Variants in AKAP13 observed in about 807,000 individuals in gnomAD.
AKAP13 encodes the protein A-kinase anchor protein 13.
Under a neutral mutation model 264.5 loss-of-function variants are expected in AKAP13, and 80 were observed. The observed-to-expected ratio is 0.30, with a 90% confidence interval of 0.25 to 0.36. The LOEUF is 0.36. Ranked by LOEUF, AKAP13 falls within the 10% of genes least tolerant of loss-of-function variation. The pLI is 1.00. For missense variants in AKAP13, 3,712 were observed against 3,435.2 expected (o/e 1.08, Z -2.01); for synonymous variants, 1,380 against 1,250.2 (o/e 1.10, Z -2.19).
At chr15:85,661,721 T>TG (rs200899633) in intron 12 of AKAP13, among the ~76,000 whole-genome samples, 1 of 151,998 alleles carries the variant, frequency 6.6e-6, no homozygotes, top group Admixed American at 6.6e-5. Flanking sequence ...AACTCCGTCT[T>TG]GGGGGGTAGT....
chr15:85,662,562 C>T (rs956014066), intron 12 of AKAP13: 14 of 1,204,314 alleles, frequency 1.2e-5, no homozygotes, highest in Middle Eastern at 2.2e-4. Flanking sequence ...TATGGGCAGC[C>T]TGCTTTGTCT....
chr15:85,687,196 G>C (rs1419960159), intron 16 of AKAP13, among the ~76,000 whole-genome samples: 1 of 150,890 alleles, frequency 6.6e-6, no homozygotes, highest in African/African-American at 2.4e-5. Context: ...GAGGCACAGA[G>C]ATGTATGCTT....
At chr15:85,555,825 T>C (rs572202178) in intron 5 of AKAP13, among the ~76,000 whole-genome samples, 109 of 98,844 alleles carry the variant, frequency 1.1e-3, no homozygotes, top group African/African-American at 3.1e-3. Context: ...TTGTATCATA[T>C]ACATAAACTG....
intron 2 of AKAP13, 22 bp downstream of exon 2, chr15:85,485,775 T>A: frequency 6.2e-7 from 1 of 1,610,504 alleles, no homozygotes; most frequent in South Asian, 1.1e-5. Flanking sequence ...ATGAGATTTC[T>A]TATTATTTTG....
chr15:85,747,782 G>C lies in AKAP13; in HGVS notation c.*3105G>C, dbSNP rs1808338. 11,934 of 152,790 alleles carry C rather than the reference G, an allele frequency of 0.078. 757 individuals are homozygous for C. Among genetic ancestry groups the C allele is most frequent in the East Asian group, 0.35 (1,832 of 5,166 alleles). The allele number at this position is 152,790 out of a possible 1,614,324, so 9.5% of individuals were successfully genotyped here. ...CCCCGTGAGAGCTATCTGGGGGGAA[G>C]AATCCTTACCAAGGTTTTTTTGGAA... On this transcript the variant is annotated 3_prime_UTR_variant, in exon 37 of 37. Coordinates refer to ENST00000394518, the MANE Select transcript of AKAP13 (RefSeq NM_007200.5).
At position 85,655,628 on chromosome 15, in the gene AKAP13, A is replaced by G. The variant is rs767650888; in HGVS notation, c.4586A>G (p.Asp1529Gly). The G allele has an allele frequency of 8.7e-6, 14 of 1,614,064 alleles. No individual in the cohort carries two copies. The highest frequency in any genetic ancestry group is 3.3e-4 in the Middle Eastern group (2 of 6,084). The change falls in exon 11 of 37, where the codon GAC (aspartate) becomes GGC (glycine). Residue 1529 changes from aspartate (D) to glycine (G), a missense_variant. Physicochemically the swap from Asp to Gly is moderately conservative, Grantham distance 94. Around this residue, in one of 3 missense-constraint regions of AKAP13, gnomAD observed 2,759 missense variants for 2,411.7 expected, o/e 1.14. Transcript: ENST00000394518. ...CGAGAAAGTGAGAGTGAGCCTGCTGACCCAGGCGACGTGGAGGAGGAGGAG... is the reference window on the plus strand; with the variant it reads ...CGAGAAAGTGAGAGTGAGCCTGCTGGCCCAGGCGACGTGGAGGAGGAGGAG... ...EGRESESEPA[D>G]PGDVEEEEMD... is the part of the protein sequence containing the mutation.
At chr15:85,598,663 T>G (rs2079924989) in intron 8 of AKAP13, among the ~76,000 whole-genome samples, 1 of 152,042 alleles carries the variant, frequency 6.6e-6, no homozygotes, top group Non-Finnish European at 1.5e-5. Context: ...GTGGGTAAAA[T>G]AAGACAGATT....
At chr15:85,564,335 T>C (rs2078528973) in intron 5 of AKAP13, among the ~76,000 whole-genome samples, 1 of 152,240 alleles carries the variant, frequency 6.6e-6, no homozygotes, top group Admixed American at 6.5e-5. Flanking sequence ...TTACATTTGC[T>C]TTATCTGTGT....
chr15:85,384,825 C>G (rs1383494370), intron 1 of AKAP13, among the ~76,000 whole-genome samples: 2 of 151,978 alleles, frequency 1.3e-5, no homozygotes. Flanking sequence ...CGTCCACCTA[C>G]AAGTTGATTG....
At chr15:85,556,679 G>A (rs1292934488) in intron 5 of AKAP13, among the ~76,000 whole-genome samples, 4 of 152,142 alleles carry the variant, frequency 2.6e-5, no homozygotes, top group Non-Finnish European at 4.4e-5. Context: ...TGTCTGCACA[G>A]CTACACTGGC....
chr15:85,737,140 G>C (rs1030865888), intron 33 of AKAP13, among the ~76,000 whole-genome samples: 1 of 151,976 alleles, frequency 6.6e-6, no homozygotes, highest in Non-Finnish European at 1.5e-5. Flanking sequence ...GGCTGATCTT[G>C]AACTCCTGAC....
chr15:85,503,745 A>G (rs565566812), intron 2 of AKAP13, among the ~76,000 whole-genome samples: 1 of 152,332 alleles, frequency 6.6e-6, no homozygotes, highest in South Asian at 2.1e-4. Context: ...AAAGAAAGGC[A>G]TTGTATTTCA....
chr15:85,567,597 A>G lies in AKAP13; in HGVS notation c.663-7534A>G, dbSNP rs146170434. Among the ~76,000 whole-genome samples the G allele has an allele frequency of 4.8e-3, 729 of 152,256 alleles. 4 individuals carry two copies. The highest frequency in any genetic ancestry group is 0.016 in the African/African-American group (669 of 41,528). ...ACACTAAGCTAAATACTCATTTTCT[A>G]TGTTGAGAAGTCAGTTTGTAACCTC... On this transcript the variant is annotated intron_variant, in intron 5 of 36. Coordinates refer to ENST00000394518, the MANE Select transcript of AKAP13 (RefSeq NM_007200.5).
intron 2 of AKAP13, among the ~76,000 whole-genome samples, chr15:85,489,293 G>T (rs1297363523): frequency 6.6e-6 from 1 of 152,180 alleles, no homozygotes; most frequent in Non-Finnish European, 1.5e-5. Flanking sequence ...TAAGTGCTTT[G>T]TATATGTTTG....
chr15:85,579,345 G>A lies in AKAP13; in HGVS notation c.1277G>A (p.Gly426Glu). 6.2e-7 allele frequency: 1 copy of A among 1,614,206 alleles called. No homozygotes were observed. The highest frequency in any genetic ancestry group is 1.1e-5 in the South Asian group (1 of 91,092). Residue 426 changes from glycine to glutamate, a missense_variant, in exon 7 of 37, where the codon GGA becomes GAA. By Grantham distance (98) the Gly-to-Glu change is moderately conservative (BLOSUM62 -2). Around this residue, in one of 3 missense-constraint regions of AKAP13, gnomAD observed 2,759 missense variants for 2,411.7 expected, o/e 1.14. Transcript: ENST00000394518. ...SSCGNRNEET[G>E]TKSSGMPTDQ... is the part of the protein sequence containing the mutation. ...TGTGGAAACAGAAATGAAGAAACTG[G>A]AACAAAATCTTCTGGAATGCCCACA...
chr15:85,665,095 C>T (rs547441353), intron 13 of AKAP13, among the ~76,000 whole-genome samples: 54 of 151,994 alleles, frequency 3.6e-4, no homozygotes, highest in African/African-American at 9.2e-4. Flanking sequence ...TCCAGCTACT[C>T]GGGAGGCTGA....
rs2077490750 is a variant in AKAP13, at chr15:85,538,869, C to T, written c.479-4903C>T. On this transcript the variant is annotated intron_variant, in intron 4 of 36. Transcript: ENST00000394518. Reference sequence around the variant, plus strand: ...TTTTTTTGAGGGAGTCTTGCTCTGTCCCCCAGGCTAGAGTGCAGTGGTGCG... The same window carrying T: ...TTTTTTTGAGGGAGTCTTGCTCTGTTCCCCAGGCTAGAGTGCAGTGGTGCG... Among the ~76,000 whole-genome samples the T allele has an allele frequency of 2.0e-5, 3 of 148,090 alleles. No homozygotes were observed. The South Asian group carries it at 6.5e-4, about 32-fold the overall frequency.
chr15:85,415,515 C>A, intron 1 of AKAP13: 1 of 1,520,626 alleles, frequency 6.6e-7, no homozygotes. Flanking sequence ...ATTGGTTCAA[C>A]ATCAGGAGTG....
At position 85,543,872 on chromosome 15, in the gene AKAP13, C is replaced by T. The variant is rs754330702; in HGVS notation, c.579C>T (p.Leu193=). Residue 193 remains leucine, a synonymous_variant, in exon 5 of 37, where the codon CTC becomes CTT. Transcript: ENST00000394518. ...LLQKPGGRGA[L]SIHNQEGATP... ...AGAAGCCAGGTGGCCGCGGAGCTCTCAGTATCCACAACCAGGAAGGGGCGA... is the reference window on the plus strand; with the variant it reads ...AGAAGCCAGGTGGCCGCGGAGCTCTTAGTATCCACAACCAGGAAGGGGCGA... The T allele has an allele frequency of 2.5e-6, 4 of 1,614,146 alleles. No individual in the cohort carries two copies. The Admixed American group carries it at 6.7e-5, about 27-fold the overall frequency.
Sources: gnomAD v4.1 joint callset for allele counts (sites outside exome capture counted in the v4.1 genomes callset) on GRCh38, gnomAD v4.1.1 for gene constraint, gnomAD v4.1.1 regional missense constraint, MANE v1.5 for transcripts, NCBI Gene and HGNC (gene_info 2026-07-23, HGNC 2026-07-21) for gene names.